Variants in DPP10 observed in about 807,000 individuals in gnomAD.
The protein encoded by DPP10 is dipeptidyl peptidase like 10.
A neutral mutation model predicts 120.9 loss-of-function variants in DPP10; 33 were observed. The ratio of observed to expected loss-of-function variants is 0.27; its 90% CI spans 0.21 to 0.37. DPP10 has a LOEUF of 0.37. Among genes scored for constraint, DPP10 ranks in the 10% least tolerant of loss-of-function variants. DPP10 has a pLI of 1.00. For synonymous variants in DPP10, 337 were observed against 326.1 expected, an observed-to-expected ratio of 1.03 and a Z score of -0.36; for missense variants, 816 against 942.8, an observed-to-expected ratio of 0.87 and a Z score of 1.76.
intron 1 of DPP10, among the ~76,000 whole-genome samples, chr2:114,721,452 C>T (rs1701701182): frequency 6.6e-6 from 1 of 152,186 alleles, no homozygotes; most frequent in Non-Finnish European, 1.5e-5. Context: ...TTTGAATAGA[C>T]TTTTCTCTTT....
intron 1 of DPP10, among the ~76,000 whole-genome samples, chr2:114,686,802 C>A (rs76825984): frequency 1.3e-5 from 2 of 151,988 alleles, no homozygotes; most frequent in East Asian, 3.9e-4. Flanking sequence ...TCTTCCCATA[C>A]AAAAAATTAC....
At chr2:115,631,037 CTTTTTTT>C (rs58468918) in intron 5 of DPP10, among the ~76,000 whole-genome samples, 2 of 111,356 alleles carry the variant, frequency 1.8e-5, no homozygotes, top group East Asian at 3.0e-4. Context: ...TGATCCTGGG[CTTTTTTT>C]TTTTTTTTTT....
At chr2:115,640,419 T>C (rs1038205910) in intron 5 of DPP10, among the ~76,000 whole-genome samples, 2 of 142,936 alleles carry the variant, frequency 1.4e-5, no homozygotes, top group African/African-American at 5.2e-5. Flanking sequence ...GTCTTCATCA[T>C]ACCAAGTATT....
intron 1 of DPP10, among the ~76,000 whole-genome samples, chr2:114,561,508 T>A (rs1265782054): frequency 6.6e-6 from 1 of 152,102 alleles, no homozygotes; most frequent in Non-Finnish European, 1.5e-5. Flanking sequence ...ATACAGAAAG[T>A]TTTTGCTGTA....
rs1024132279 is a variant in DPP10 at position 115,780,797 on chromosome 2, A to G, written c.1362-77A>G. ...GATGTAACTCCCTTGTTTATATTAT[A>G]TTTAAATATGAACACCACACATTCA... On this transcript the variant is annotated intron_variant, in intron 15 of 25. Transcript: ENST00000410059. The G allele has an allele frequency of 5.1e-6, 7 of 1,369,740 alleles. No individual in the cohort carries two copies. In the African/African-American group the frequency reaches 5.8e-5, roughly 11 times the overall value. 84.8% of individuals were successfully genotyped at this position (1,369,740 alleles called of 1,614,324 possible).
At chr2:114,894,817 T>A (rs1010479395) in intron 1 of DPP10, among the ~76,000 whole-genome samples, 2 of 152,036 alleles carry the variant, frequency 1.3e-5, no homozygotes, top group Non-Finnish European at 2.9e-5. Context: ...TGAATTAGCC[T>A]CTGTAAAACT....
At chr2:114,941,176 A>G (rs1296327037) in intron 1 of DPP10, among the ~76,000 whole-genome samples, 4 of 152,348 alleles carry the variant, frequency 2.6e-5, no homozygotes, top group Middle Eastern at 3.4e-3. Context: ...TAAACATGTA[A>G]TGATGCCTGT....
At chr2:114,759,073 A>G (rs1226681260) in intron 1 of DPP10, among the ~76,000 whole-genome samples, 1 of 152,216 alleles carries the variant, frequency 6.6e-6, no homozygotes, top group Non-Finnish European at 1.5e-5. Flanking sequence ...AAATTAGGTT[A>G]ATTTTGAAGT....
chr2:115,779,493 C>T (rs945840900), intron 15 of DPP10, among the ~76,000 whole-genome samples: 1 of 152,018 alleles, frequency 6.6e-6, no homozygotes, highest in African/African-American at 2.4e-5. Flanking sequence ...CTTTCTTTGT[C>T]TCAAAATTTG....
intron 1 of DPP10, among the ~76,000 whole-genome samples, chr2:114,941,539 T>A (rs1375644877): frequency 2.6e-5 from 4 of 152,228 alleles, no homozygotes; most frequent in Non-Finnish European, 5.9e-5. Flanking sequence ...ATAAGCATAA[T>A]AATATTATTT....
chr2:115,829,472 CTT>C (rs1427301294), intron 21 of DPP10, among the ~76,000 whole-genome samples: 2 of 152,150 alleles, frequency 1.3e-5, no homozygotes, highest in South Asian at 2.1e-4. Flanking sequence ...TTACTTCTCT[CTT>C]TGAAAATATT....
At chr2:114,614,559 T>A (rs1346102615) in intron 1 of DPP10, among the ~76,000 whole-genome samples, 4 of 152,232 alleles carry the variant, frequency 2.6e-5, no homozygotes, top group Admixed American at 1.3e-4. Flanking sequence ...CCTTTAATTG[T>A]CTATTGTGAC....
chr2:115,013,674 A>C (rs1702425717), intron 1 of DPP10, among the ~76,000 whole-genome samples: 1 of 151,602 alleles, frequency 6.6e-6, no homozygotes, highest in Non-Finnish European at 1.5e-5. Flanking sequence ...AAAAAAAAAA[A>C]AAAAGTACAG....
At chr2:114,859,446 C>G (rs891180723) in intron 1 of DPP10, among the ~76,000 whole-genome samples, 1 of 151,644 alleles carries the variant, frequency 6.6e-6, no homozygotes, top group Non-Finnish European at 1.5e-5. Context: ...GTGACCATAC[C>G]ATAATTTTGA....
At chr2:114,601,253 T>G (rs1692342121) in intron 1 of DPP10, among the ~76,000 whole-genome samples, 2 of 151,908 alleles carry the variant, frequency 1.3e-5, no homozygotes, top group South Asian at 4.1e-4. Flanking sequence ...TTTTATGCTG[T>G]TAATTTTACA....
intron 1 of DPP10, among the ~76,000 whole-genome samples, chr2:114,709,823 T>C (rs1339759196): frequency 6.6e-6 from 1 of 152,198 alleles, no homozygotes; most frequent in Non-Finnish European, 1.5e-5. Flanking sequence ...TGAAAGCCTA[T>C]TATCTTTAAT....
At chr2:114,864,845 A>G (rs191055751) in intron 1 of DPP10, among the ~76,000 whole-genome samples, 5 of 152,308 alleles carry the variant, frequency 3.3e-5, no homozygotes, top group Admixed American at 1.3e-4. Flanking sequence ...GTGCTTTTCC[A>G]TGGGTAGAAC....
intron 3 of DPP10, among the ~76,000 whole-genome samples, chr2:115,417,178 C>T (rs1262792479): frequency 6.6e-6 from 1 of 151,956 alleles, no homozygotes; most frequent in African/African-American, 2.4e-5. Context: ...ACCAGAGCTC[C>T]CCAATATAGA....
intron 7 of DPP10, among the ~76,000 whole-genome samples, chr2:115,717,707 T>C (rs1054881460): frequency 1.3e-5 from 2 of 152,152 alleles, no homozygotes; most frequent in African/African-American, 2.4e-5. Flanking sequence ...TTTTTGAACA[T>C]AGGAATGTGT....
Sources: gnomAD v4.1 joint callset for allele counts (sites outside exome capture counted in the v4.1 genomes callset) on GRCh38, gnomAD v4.1.1 for gene constraint, MANE v1.5 for transcripts, NCBI Gene and HGNC (gene_info 2026-07-23, HGNC 2026-07-21) for gene names.